HEMK2: variants seen among roughly 807,000 people sequenced by gnomAD.
The protein encoded by HEMK2 is HemK methyltransferase 2, ETF1 glutamine and histone H4 lysine.
At chr21:28,825,229 G>A in the HEMK2 span, among the ~76,000 whole-genome samples, 1 of 152,144 alleles carries the variant, frequency 6.6e-6, no homozygotes, top group African/African-American at 2.4e-5. Flanking sequence ...TGGAGGGCTT[G>A]TTAGAACACA....
the HEMK2 span, among the ~76,000 whole-genome samples, chr21:28,584,231 T>C: frequency 6.6e-6 from 1 of 152,216 alleles, no homozygotes; most frequent in Non-Finnish European, 1.5e-5. Context: ...ACAGTTAATT[T>C]TGGTGGAGCT....
chr21:28,878,710 CT>C, the HEMK2 span, among the ~76,000 whole-genome samples: 61 of 151,744 alleles, frequency 4.0e-4, no homozygotes, highest in East Asian at 0.01. Context: ...ATATCAAGGG[CT>C]TAATAAGTTA....
At chr21:28,625,517 C>T in the HEMK2 span, among the ~76,000 whole-genome samples, 2 of 151,960 alleles carry the variant, frequency 1.3e-5, no homozygotes, top group Non-Finnish European at 1.5e-5. Context: ...ATCAGGAGTT[C>T]GAGACCAGCC....
chr21:28,696,006 C>G, the HEMK2 span, among the ~76,000 whole-genome samples: 2 of 152,090 alleles, frequency 1.3e-5, no homozygotes, highest in Admixed American at 6.5e-5. Context: ...AAGGAACTCA[C>G]AGTTCCACAT....
the HEMK2 span, among the ~76,000 whole-genome samples, chr21:28,852,618 G>A: frequency 2.6e-5 from 4 of 152,178 alleles, no homozygotes; most frequent in South Asian, 4.1e-4. Flanking sequence ...TGTCAGTAGT[G>A]TAGTGGGGTC....
At chr21:28,867,966 T>C in the HEMK2 span, among the ~76,000 whole-genome samples, 1 of 152,214 alleles carries the variant, frequency 6.6e-6, no homozygotes, top group South Asian at 2.1e-4. Flanking sequence ...GACTTTTGTA[T>C]ATGGTGTGAG....
chr21:28,771,518 A>ACCCCC, the HEMK2 span, among the ~76,000 whole-genome samples: 282 of 105,338 alleles, frequency 2.7e-3, 4 homozygotes, highest in African/African-American at 8.4e-3. Flanking sequence ...AAGATGCACC[A>ACCCCC]CCCCCCCCCG....
At chr21:28,724,753 C>T in the HEMK2 span, among the ~76,000 whole-genome samples, 1 of 151,982 alleles carries the variant, frequency 6.6e-6, no homozygotes, top group African/African-American at 2.4e-5. Flanking sequence ...TCAGCTTCTT[C>T]ACTACATGTA....
chr21:28,781,446 C>A, the HEMK2 span, among the ~76,000 whole-genome samples: 1 of 145,850 alleles, frequency 6.9e-6, no homozygotes, highest in Non-Finnish European at 1.5e-5. Context: ...GTGTTCAGAG[C>A]TCCCCAAGAT....
At chr21:28,665,334 CTTTTTTTT>C in the HEMK2 span, among the ~76,000 whole-genome samples, 21 of 36,680 alleles carry the variant, frequency 5.7e-4, no homozygotes, top group Admixed American at 2.4e-3. Context: ...ATTTATATTT[CTTTTTTTT>C]TTTTTTTTTT....
chr21:28,791,718 T>C, the HEMK2 span, among the ~76,000 whole-genome samples: 51 of 152,256 alleles, frequency 3.3e-4, no homozygotes, highest in Non-Finnish European at 5.6e-4. Context: ...GAGGGAGTCA[T>C]TGGCAACTTT....
the HEMK2 span, among the ~76,000 whole-genome samples, chr21:28,798,953 G>A: frequency 1.3e-5 from 2 of 152,154 alleles, no homozygotes; most frequent in Admixed American, 6.5e-5. Context: ...GATCTTTCAG[G>A]ATACTCTTTC....
the HEMK2 span, among the ~76,000 whole-genome samples, chr21:28,581,560 C>T: frequency 1.3e-5 from 2 of 152,174 alleles, no homozygotes; most frequent in African/African-American, 4.8e-5. Flanking sequence ...AAGGAATATA[C>T]TGCTTCCAGA....
At chr21:28,736,481 C>G in the HEMK2 span, among the ~76,000 whole-genome samples, 1 of 152,178 alleles carries the variant, frequency 6.6e-6, no homozygotes, top group Non-Finnish European at 1.5e-5. Flanking sequence ...AGTGGCCGGA[C>G]GCGGTGGCTC....
chr21:28,814,865 C>T, the HEMK2 span, among the ~76,000 whole-genome samples: 4 of 152,120 alleles, frequency 2.6e-5, no homozygotes, highest in African/African-American at 9.7e-5. Context: ...TTTGACCCAG[C>T]AATCCCATTA....
chr21:28,668,770 C>G, the HEMK2 span, among the ~76,000 whole-genome samples: 1 of 152,152 alleles, frequency 6.6e-6, no homozygotes, highest in South Asian at 2.1e-4. Flanking sequence ...TGATATAGGT[C>G]TCAAATGTTG....
the HEMK2 span, among the ~76,000 whole-genome samples, chr21:28,770,904 T>A: frequency 1.3e-5 from 2 of 152,174 alleles, no homozygotes; most frequent in Non-Finnish European, 2.9e-5. Flanking sequence ...CTGAGTAGCA[T>A]CATGCTACAA....
chr21:28,657,886 G>A, the HEMK2 span, among the ~76,000 whole-genome samples: 2 of 151,908 alleles, frequency 1.3e-5, no homozygotes, highest in Non-Finnish European at 2.9e-5. Context: ...GCTATTAACT[G>A]TATAACATGG....
the HEMK2 span, among the ~76,000 whole-genome samples, chr21:28,584,544 A>T: frequency 2.6e-5 from 4 of 152,202 alleles, no homozygotes; most frequent in Non-Finnish European, 4.4e-5. Context: ...AAAACCTTTT[A>T]ATTTAGGAGA....
Sources: gnomAD v4.1 joint callset for allele counts (sites outside exome capture counted in the v4.1 genomes callset) on GRCh38, gnomAD v4.1.1 for gene constraint, MANE v1.5 for transcripts, NCBI Gene and HGNC (gene_info 2026-07-23, HGNC 2026-07-21) for gene names.